ASTN2: variants seen among roughly 807,000 people sequenced by gnomAD.
The protein encoded by ASTN2 is astrotactin-2.
ASTN2 carries 54 observed loss-of-function variants against 139.8 expected under a neutral mutation model. That is an observed-to-expected ratio of 0.39 (90% confidence interval 0.31 to 0.48). ASTN2 has a LOEUF of 0.48. Among genes scored for constraint, ASTN2 ranks in the 20% least tolerant of loss-of-function variants. The probability of loss-of-function intolerance (pLI) is 0.95; values close to 1 mark genes in which losing one functional copy is unlikely to be tolerated. For missense variants in ASTN2, 1,565 were observed against 1,725.1 expected, an observed-to-expected ratio of 0.91 and a Z score of 1.64; for synonymous variants, 756 against 719.5, an observed-to-expected ratio of 1.05 and a Z score of -0.81.
At chr9:117,324,968 G>A (rs983754601) in intron 1 of ASTN2, among the ~76,000 whole-genome samples, 4 of 152,146 alleles carry the variant, frequency 2.6e-5, no homozygotes, top group Non-Finnish European at 5.9e-5. Flanking sequence ...TTAATGCAGA[G>A]GCAGAACTTG....
intron 7 of ASTN2, among the ~76,000 whole-genome samples, chr9:116,979,178 C>T (rs574509355): frequency 7.2e-5 from 11 of 152,172 alleles, no homozygotes; most frequent in East Asian, 5.8e-4. Context: ...GCTTCATGAA[C>T]GCTGCCTGAA....
Position 116,455,797 on chromosome 9 carries a change from T to C in ASTN2, c.3498-13244A>G, listed in dbSNP as rs1262794988. ...AAAAAAGTAATACAATCTATTTTTG[T>C]AGAGACATAATTTTATATATGGAAA... On this transcript the variant is annotated intron_variant, in intron 20 of 22. Coordinates refer to ENST00000313400, the MANE Select transcript of ASTN2 (RefSeq NM_001365068.1). 4.0e-5 allele frequency among the ~76,000 whole-genome samples: 6 copies of C among 151,778 alleles called. No homozygotes were observed. The East Asian group carries it at 9.7e-4, about 24-fold the overall frequency.
chr9:116,498,836 T>A (rs934127051), intron 19 of ASTN2, among the ~76,000 whole-genome samples: 1 of 152,152 alleles, frequency 6.6e-6, no homozygotes, highest in Non-Finnish European at 1.5e-5. Flanking sequence ...TAGTGAAGGA[T>A]CTTTAATAAC....
chr9:116,511,230 C>T (rs1004746573), intron 19 of ASTN2, among the ~76,000 whole-genome samples: 2 of 152,140 alleles, frequency 1.3e-5, no homozygotes, highest in African/African-American at 4.8e-5. Flanking sequence ...TGAATTTTGT[C>T]AAAGGCCTTT....
chr9:117,198,943 G>A (rs1239517897), intron 3 of ASTN2, among the ~76,000 whole-genome samples: 1 of 152,144 alleles, frequency 6.6e-6, no homozygotes, highest in African/African-American at 2.4e-5. Flanking sequence ...CTTTTGAGAA[G>A]TGTCTGTTCA....
chr9:117,055,992 G>T (rs1404366975), intron 5 of ASTN2, among the ~76,000 whole-genome samples: 4 of 152,172 alleles, frequency 2.6e-5, no homozygotes, highest in Non-Finnish European at 5.9e-5. Context: ...GTTGAGAGTG[G>T]CCCTATGGCC....
chr9:117,172,702 C>G (rs566482444), intron 3 of ASTN2, among the ~76,000 whole-genome samples: 1 of 152,026 alleles, frequency 6.6e-6, no homozygotes, highest in African/African-American at 2.4e-5. Flanking sequence ...TTTTCTCTCA[C>G]GAATGGGAAA....
intron 3 of ASTN2, among the ~76,000 whole-genome samples, chr9:117,158,484 C>T (rs764259735): frequency 1.1e-4 from 17 of 152,166 alleles, no homozygotes; most frequent in South Asian, 2.1e-4. Flanking sequence ...CAATTACAGA[C>T]GGATGACTTG....
At position 116,739,818 on chromosome 9, in the gene ASTN2, A is replaced by G. The variant is rs545350777; in HGVS notation, c.2397-6295T>C. ...ACTGAGAAAAAGTAGGTGCACCATG[A>G]GCATTTGTTGAAGCAGTGAAGGAAG... On this transcript the variant is annotated intron_variant, in intron 13 of 22. Transcript: ENST00000313400. Among the ~76,000 whole-genome samples the G allele has an allele frequency of 7.9e-5, 12 of 152,304 alleles. No individual in the cohort carries two copies. The East Asian group carries it at 2.1e-3, about 27-fold the overall frequency.
At chr9:117,186,818 T>G (rs573442464) in intron 3 of ASTN2, among the ~76,000 whole-genome samples, 1 of 152,046 alleles carries the variant, frequency 6.6e-6, no homozygotes, top group Non-Finnish European at 1.5e-5. Flanking sequence ...ATACTTATAA[T>G]GGGTCAAATG....
intron 19 of ASTN2, among the ~76,000 whole-genome samples, chr9:116,519,968 T>A (rs1482945367): frequency 6.6e-6 from 1 of 151,860 alleles, no homozygotes; most frequent in Non-Finnish European, 1.5e-5. Flanking sequence ...AAAGATAGAA[T>A]CTCTGAACAG....
At chr9:116,715,847 G>T (rs1828296865) in intron 16 of ASTN2, among the ~76,000 whole-genome samples, 1 of 152,142 alleles carries the variant, frequency 6.6e-6, no homozygotes, top group Non-Finnish European at 1.5e-5. Context: ...GAGGCAGACA[G>T]GGAAGAACAG....
rs755369647 is a variant in ASTN2, at chr9:116,699,282, G to A, written c.2806+26489C>T. ...CAAATACAGCTGCCTATGTAGTGCT[G>A]TGCGGCCCAAATTTGTCACCTGTGA... On this transcript the variant is annotated intron_variant, in intron 16 of 22. Coordinates refer to ENST00000313400, the MANE Select transcript of ASTN2 (RefSeq NM_001365068.1). The surrounding 1 kb of genome is among the most constrained non-coding windows in gnomAD (Gnocchi z 4.2). 3.1e-6 allele frequency: 5 copies of A among 1,614,216 alleles called. No homozygotes were observed. The South Asian group carries it at 3.3e-5, about 11-fold the overall frequency.
intron 4 of ASTN2, among the ~76,000 whole-genome samples, chr9:117,125,078 G>T (rs1739025073): frequency 6.6e-6 from 1 of 152,186 alleles, no homozygotes; most frequent in Non-Finnish European, 1.5e-5. Context: ...TCAGAAGCAA[G>T]GACTAGGACA....
intron 1 of ASTN2, among the ~76,000 whole-genome samples, chr9:117,332,567 C>T (rs1430230753): frequency 6.6e-6 from 1 of 151,936 alleles, no homozygotes; most frequent in Admixed American, 6.6e-5. Flanking sequence ...CCATCTCAAA[C>T]AAACAAACAA....
intron 16 of ASTN2, among the ~76,000 whole-genome samples, chr9:116,668,053 G>T (rs369708575): frequency 6.6e-6 from 1 of 151,868 alleles, no homozygotes; most frequent in Admixed American, 6.6e-5. Context: ...CTAAAAATAC[G>T]GTGTGCTCCA....
intron 13 of ASTN2, among the ~76,000 whole-genome samples, chr9:116,803,315 C>CT (rs61653195): frequency 0.24 from 32,473 of 137,806 alleles, 4,233 homozygotes; most frequent in East Asian, 0.49. Flanking sequence ...GATTTTTGTT[C>CT]TTTTTTTTTT....
chr9:116,863,458 C>T, intron 11 of ASTN2, 125 bp downstream of exon 11: 1 of 1,260,842 alleles, frequency 7.9e-7, no homozygotes, highest in South Asian at 1.8e-5. Context: ...CTGAAGGCCG[C>T]AGAGGCAGAT....
chr9:117,051,517 A>G (rs879436478), intron 5 of ASTN2, among the ~76,000 whole-genome samples: 6 of 152,092 alleles, frequency 3.9e-5, no homozygotes, highest in Admixed American at 3.9e-4. Flanking sequence ...GCCAAAAGAA[A>G]ATCTATTCCT....
Sources: allele counts gnomAD v4.1 joint callset (sites outside exome capture counted in the v4.1 genomes callset), GRCh38; gene constraint gnomAD v4.1.1; non-coding constraint Gnocchi (gnomAD v3.1); transcripts MANE v1.5; gene names NCBI Gene and HGNC (gene_info 2026-07-23, HGNC 2026-07-21).